SI: variants seen among roughly 807,000 people sequenced by gnomAD.
SI encodes the protein sucrase-isomaltase.
In SI, 235 loss-of-function variants were observed where a neutral mutation model predicts 253.3. The observed-to-expected ratio is 0.93, with a 90% CI of 0.83 to 1.03. The LOEUF (loss-of-function observed/expected upper bound fraction) is 1.03, where lower values mean the gene tolerates loss of function less well. Ranked by LOEUF, SI falls within the 50% of genes least tolerant of loss-of-function variation. SI has a pLI of 0.00. For synonymous variants in SI, 819 were observed against 712.0 expected (o/e 1.15, Z -2.39); for missense variants, 2,442 against 2,211.1 (o/e 1.10, Z -2.09).
chr3:165,000,568 G>T (rs1718210505), intron 37 of SI, among the ~76,000 whole-genome samples: 3 of 151,170 alleles, frequency 2.0e-5, no homozygotes, highest in South Asian at 2.1e-4. Context: ...ATTGTTAATT[G>T]TAAATTAAAA....
chr3:165,028,319 T>C (rs1415091147), intron 25 of SI, among the ~76,000 whole-genome samples: 1 of 151,596 alleles, frequency 6.6e-6, no homozygotes, highest in Non-Finnish European at 1.5e-5. Context: ...ACACATCCCA[T>C]GCTCATGGAT....
At chr3:165,068,997 G>T in intron 4 of SI, 81 bp downstream of exon 4, 1 of 1,095,646 alleles carries the variant, frequency 9.1e-7, no homozygotes, top group South Asian at 1.3e-5. Context: ...TTTCTTATTT[G>T]ATTCTATTTA....
rs752540924 is a variant in SI, at chr3:164,992,196, C to T, written c.4964G>A (p.Arg1655Gln). 1.9e-5 allele frequency: 31 copies of T among 1,611,334 alleles called. No homozygotes were observed. The highest frequency in any genetic ancestry group is 2.4e-5 in the Non-Finnish European group (28 of 1,179,122). Reference sequence around the variant, plus strand: ...ACTTACTGTATGGTAGTCAAACCACCGAGCATTGGGGACGTAGGCATTTAC... The same window carrying T: ...ACTTACTGTATGGTAGTCAAACCACTGAGCATTGGGGACGTAGGCATTTAC... Reference protein sequence around the residue: ...QTVNAYVPNARWFDYHTGKDI... With the variant: ...QTVNAYVPNAQWFDYHTGKDI... Residue 1655 changes from arginine (R) to glutamine (Q), a missense_variant, in exon 43 of 48, where the codon CGG becomes CAG. Coordinates refer to ENST00000264382, the MANE Select transcript of SI (RefSeq NM_001041.4).
At chr3:165,088,812 GA>G in the SI span, among the ~76,000 whole-genome samples, 1 of 151,046 alleles carries the variant, frequency 6.6e-6, no homozygotes, top group Non-Finnish European at 1.5e-5. Context: ...AAATCATTTA[GA>G]AAAACATATT....
chr3:165,014,820 C>T (rs1372612532), intron 33 of SI, among the ~76,000 whole-genome samples: 1 of 151,936 alleles, frequency 6.6e-6, no homozygotes, highest in African/African-American at 2.4e-5. Flanking sequence ...ACTTGCAGTA[C>T]AGAATAATGA....
intron 5 of SI, 98 bp from the exon 6 acceptor site, chr3:165,067,589 C>T (rs1489761950): frequency 1.0e-5 from 11 of 1,075,348 alleles, no homozygotes; most frequent in Admixed American, 1.8e-5. Context: ...TAAAAAATAA[C>T]GTGGTGATTA....
chr3:165,030,847 G>C lies in SI; in HGVS notation c.2757C>G (p.Leu919=). 1 of 1,477,514 alleles carries C rather than the reference G, an allele frequency of 6.8e-7. No homozygotes were observed. The highest frequency in any genetic ancestry group is 1.2e-5 in the South Asian group (1 of 82,220). 91.5% of individuals were successfully genotyped at this position (1,477,514 alleles called of 1,614,324 possible). A position where few individuals can be genotyped will look rare whatever the true frequency, so the allele number is the denominator to read the frequency against. ...ASNQVLLIAD[L]KLNLGRNFSV... is the part of the protein sequence containing the mutation. The stretch of plus-strand genomic sequence containing the variant: ...TAAAGTTTCTTCCAAGATTAAGTTT[G>C]AGATCTGCAATTAGGAGAACCTTTG... The change falls in exon 25 of 48, where the codon CTC becomes CTG. Residue 919 remains leucine (L), a synonymous_variant. Coordinates refer to ENST00000264382, the MANE Select transcript of SI (RefSeq NM_001041.4).
chr3:164,990,059 T>C (rs1717657239), intron 44 of SI, among the ~76,000 whole-genome samples: 1 of 152,156 alleles, frequency 6.6e-6, no homozygotes, highest in South Asian at 2.1e-4. Context: ...AACCCTAATG[T>C]AAACTGTGGT....
At chr3:165,056,013 C>T (rs555415679) in intron 12 of SI, among the ~76,000 whole-genome samples, 1 of 152,200 alleles carries the variant, frequency 6.6e-6, no homozygotes, top group South Asian at 2.1e-4. Context: ...GTGTATTATG[C>T]TGTCTTTTTC....
chr3:165,053,006 A>C (rs955633530), intron 13 of SI, among the ~76,000 whole-genome samples: 4 of 151,884 alleles, frequency 2.6e-5, no homozygotes, highest in African/African-American at 9.7e-5. Context: ...ATAGAACCAA[A>C]ATAACAACAA....
At chr3:165,029,404 A>G (rs1712103460) in intron 25 of SI, among the ~76,000 whole-genome samples, 1 of 150,664 alleles carries the variant, frequency 6.6e-6, no homozygotes, top group Non-Finnish European at 1.5e-5. Context: ...AAGAACTACT[A>G]TTTGATCCAG....
the SI span, among the ~76,000 whole-genome samples, chr3:165,083,891 G>C: frequency 1.3e-5 from 2 of 152,106 alleles, no homozygotes; most frequent in Non-Finnish European, 2.9e-5. Flanking sequence ...ATTGTAAAAT[G>C]AAAAGGAGTT....
Position 165,059,009 on chromosome 3 carries a change from T to C in SI, c.1352A>G (p.His451Arg), listed in dbSNP as rs1396902034. ...YATYERGNTQHVWINESDGST... is the reference protein window; with the variant it reads ...YATYERGNTQRVWINESDGST... ...TCCATCTGACTCATTTATCCACACA[T>C]GTTGTGTGTTTCCCCTCTCATAGGT... is the stretch of plus-strand genomic sequence containing the variant. Residue 451 changes from histidine (H) to arginine (R), a missense_variant, in exon 12 of 48, where the codon CAT (histidine) becomes CGT (arginine). Physicochemically the swap from His to Arg is conservative, Grantham distance 29. Transcript: ENST00000264382. 3.1e-6 allele frequency: 5 copies of C among 1,610,284 alleles called. No homozygotes were observed. Among genetic ancestry groups the C allele is most frequent in the Non-Finnish European group, 4.2e-6 (5 of 1,177,040 alleles).
At position 165,021,320 on chromosome 3, in the gene SI, T is replaced by C. The variant is rs779911065; in HGVS notation, c.3163A>G (p.Ile1055Val). The change falls in exon 27 of 48, where the codon ATA becomes GTA. Residue 1055 changes from isoleucine to valine, a missense_variant. Coordinates refer to ENST00000264382, the MANE Select transcript of SI (RefSeq NM_001041.4). ...TAAAGTCTGTCTTCATAAGTACTTA[T>C]TGGGGTGGTTGGAATGTTTAACGGT... Reference protein sequence around the residue: ...PVPLNIPTTPISTYEDRLYDV... With the variant: ...PVPLNIPTTPVSTYEDRLYDV... 9 of 1,610,876 alleles carry C rather than the reference T, an allele frequency of 5.6e-6. No individual in the cohort carries two copies. The highest frequency in any genetic ancestry group is 4.5e-5 in the East Asian group (2 of 44,734).
Position 165,036,494 on chromosome 3 carries a change from G to C in SI, c.2427-17C>G. The C allele has an allele frequency of 3.2e-6, 5 of 1,549,964 alleles. No individual in the cohort carries two copies. Among genetic ancestry groups the C allele is most frequent in the Non-Finnish European group, 4.5e-6 (5 of 1,123,056 alleles). On this transcript the variant is annotated splice_polypyrimidine_tract_variant and intron_variant, in intron 21 of 47. Transcript: ENST00000264382. ...TTCTTACGGCTGTTAAGAAAAATTAGGTGCATATATGGTTAAAAATAAATC... is the reference window on the plus strand; with the variant it reads ...TTCTTACGGCTGTTAAGAAAAATTACGTGCATATATGGTTAAAAATAAATC...
chr3:165,065,307 G>A lies in SI; in HGVS notation c.761C>T (p.Ser254Phe). The A allele has an allele frequency of 6.2e-7, 1 of 1,607,692 alleles. No individual in the cohort carries two copies. The highest frequency in any genetic ancestry group is 1.7e-4 in the Middle Eastern group (1 of 6,018). Residue 254 changes from serine (S) to phenylalanine (F), a missense_variant, in exon 7 of 48, where the codon TCC becomes TTC. Coordinates refer to ENST00000264382, the MANE Select transcript of SI (RefSeq NM_001041.4). ...QVHKRFRHDL[S>F]WKTWPIFTRD... ...AGTAAAAATTGGCCATGTTTTCCAG[G>A]ATAAATCATGACGAAATCTCTTATG...
intron 26 of SI, among the ~76,000 whole-genome samples, chr3:165,022,865 A>G (rs1460957465): frequency 1.3e-5 from 2 of 151,676 alleles, no homozygotes; most frequent in Non-Finnish European, 3.0e-5. Context: ...GTGAATTAAC[A>G]TTTAAAATAT....
At chr3:165,088,044 A>C in the SI span, among the ~76,000 whole-genome samples, 3 of 152,132 alleles carry the variant, frequency 2.0e-5, no homozygotes, top group Non-Finnish European at 2.9e-5. Flanking sequence ...ATGTATGTAA[A>C]ATTAAAATAA....
At chr3:164,996,679 A>G (rs1718026294) in intron 39 of SI, 28 bp from the exon 40 acceptor site, 3 of 1,361,492 alleles carry the variant, frequency 2.2e-6, no homozygotes, top group Non-Finnish European at 2.1e-6. Context: ...ATTTAGTTAA[A>G]TTTGAATAGT....
Sources: allele counts gnomAD v4.1 joint callset (sites outside exome capture counted in the v4.1 genomes callset), GRCh38; gene constraint gnomAD v4.1.1; transcripts MANE v1.5; gene names NCBI Gene and HGNC (gene_info 2026-07-23, HGNC 2026-07-21).